The following ERC2 variants were observed in gnomAD, a reference collection of about 807,000 sequenced individuals.
ERC2 encodes the protein ERC protein 2.
Under a neutral mutation model 114.8 loss-of-function variants are expected in ERC2, and 42 were observed. The observed-to-expected ratio is 0.37, with a 90% CI of 0.29 to 0.47. ERC2 has a LOEUF of 0.47. Ranked by LOEUF, ERC2 falls within the 20% of genes least tolerant of loss-of-function variation. The pLI is 0.99. For synonymous variants in ERC2, 454 were observed against 425.5 expected (o/e 1.07, Z -0.82); for missense variants, 939 against 1,150.7 (o/e 0.82, Z 2.66).
chr3:56,392,469 C>A (rs985068157), intron 2 of ERC2, among the ~76,000 whole-genome samples: 1 of 152,106 alleles, frequency 6.6e-6, no homozygotes, highest in Non-Finnish European at 1.5e-5. Context: ...TCAAATATAT[C>A]TGTTTCTATA....
At chr3:55,924,254 G>A (rs1276527681) in intron 13 of ERC2, among the ~76,000 whole-genome samples, 2 of 152,070 alleles carry the variant, frequency 1.3e-5, no homozygotes, top group Admixed American at 1.3e-4. Context: ...TTTCTGCCAA[G>A]GGCCAGACAG....
At chr3:56,253,300 C>G (rs375974911) in intron 3 of ERC2, among the ~76,000 whole-genome samples, 1 of 152,224 alleles carries the variant, frequency 6.6e-6, no homozygotes, top group Non-Finnish European at 1.5e-5. Context: ...GATATTCTAT[C>G]ACTGCCAGAT....
intron 3 of ERC2, among the ~76,000 whole-genome samples, chr3:56,189,606 A>G (rs2083859535): frequency 6.6e-6 from 1 of 152,230 alleles, no homozygotes; most frequent in Non-Finnish European, 1.5e-5. Flanking sequence ...TTCTGTATCA[A>G]GGGGCTCACA....
chr3:55,817,436 G>C (rs2059944499), intron 14 of ERC2, among the ~76,000 whole-genome samples: 1 of 152,204 alleles, frequency 6.6e-6, no homozygotes, highest in South Asian at 2.1e-4. Flanking sequence ...ACTCCTGAGA[G>C]TTCACCCAAG....
chr3:55,583,441 T>TCCTTCCTTCCTTCCTC (rs1559692610), intron 17 of ERC2, among the ~76,000 whole-genome samples: 4 of 81,522 alleles, frequency 4.9e-5, no homozygotes, highest in Non-Finnish European at 7.8e-5. Flanking sequence ...CTTCCTTCCT[T>TCCTTCCTTCCTTCCTC]CCTCCCTCCC....
At chr3:56,275,810 G>A (rs2053951680) in intron 3 of ERC2, among the ~76,000 whole-genome samples, 1 of 152,180 alleles carries the variant, frequency 6.6e-6, no homozygotes, top group Non-Finnish European at 1.5e-5. Context: ...GGCAATGTCT[G>A]CAGACATTTT....
At chr3:55,950,249 A>G (rs913206554) in intron 13 of ERC2, among the ~76,000 whole-genome samples, 176 bp downstream of exon 13, 2 of 152,140 alleles carry the variant, frequency 1.3e-5, no homozygotes, top group African/African-American at 4.8e-5. Flanking sequence ...CATGGCCACC[A>G]TTCTGAAAAT....
At chr3:56,434,155 G>T (rs916351259) in intron 2 of ERC2, 196 bp downstream of exon 2, 1 of 585,500 alleles carries the variant, frequency 1.7e-6, no homozygotes, top group Non-Finnish European at 3.0e-6. Flanking sequence ...AAGGTTATCG[G>T]AAAATAAGGA....
intron 14 of ERC2, among the ~76,000 whole-genome samples, chr3:55,880,697 G>T (rs992905373): frequency 6.6e-6 from 1 of 151,616 alleles, no homozygotes; most frequent in East Asian, 1.9e-4. Flanking sequence ...GGACATTCTA[G>T]GACACATTAC....
At chr3:55,553,155 T>C (rs1414766331) in intron 17 of ERC2, among the ~76,000 whole-genome samples, 4 of 150,806 alleles carry the variant, frequency 2.7e-5, no homozygotes, top group Non-Finnish European at 5.9e-5. Flanking sequence ...CTGAGTAGCT[T>C]GGACTACAGG....
intron 1 of ERC2, among the ~76,000 whole-genome samples, chr3:56,439,743 T>A (rs1351705234): frequency 6.6e-6 from 1 of 152,136 alleles, no homozygotes; most frequent in Admixed American, 6.5e-5. Context: ...TCTACTTCCT[T>A]TATGGTTTTT....
chr3:56,202,448 C>G (rs2048459668), intron 3 of ERC2, among the ~76,000 whole-genome samples: 1 of 150,296 alleles, frequency 6.7e-6, no homozygotes, highest in African/African-American at 2.4e-5. Flanking sequence ...CAATCTACAG[C>G]AAAAGAGAGT....
intron 7 of ERC2, among the ~76,000 whole-genome samples, chr3:56,026,792 G>A (rs914258134): frequency 2.0e-5 from 3 of 152,128 alleles, no homozygotes; most frequent in African/African-American, 7.2e-5. Flanking sequence ...CATATATCAT[G>A]AGTTTTTATA....
At chr3:56,125,678 T>C (rs572851259) in intron 6 of ERC2, among the ~76,000 whole-genome samples, 38 of 152,306 alleles carry the variant, frequency 2.5e-4, no homozygotes, top group African/African-American at 9.1e-4. Flanking sequence ...TACCCTCTCA[T>C]AAAAACAAAG....
intron 17 of ERC2, among the ~76,000 whole-genome samples, chr3:55,663,707 C>T (rs1025467480): frequency 6.6e-6 from 1 of 152,144 alleles, no homozygotes; most frequent in Non-Finnish European, 1.5e-5. Context: ...TTGTTTTTAG[C>T]TCTTTAAAAA....
chr3:56,328,256 C>T (rs1022830613), intron 2 of ERC2, among the ~76,000 whole-genome samples: 1 of 152,158 alleles, frequency 6.6e-6, no homozygotes, highest in African/African-American at 2.4e-5. Flanking sequence ...AGAAGGCTTC[C>T]AAGACCTCAT....
intron 2 of ERC2, among the ~76,000 whole-genome samples, chr3:56,369,056 T>C (rs1292732454): frequency 3.9e-5 from 6 of 152,128 alleles, no homozygotes; most frequent in East Asian, 1.9e-4. Context: ...TGACCTCACA[T>C]AGGGGACAGC....
intron 14 of ERC2, among the ~76,000 whole-genome samples, chr3:55,744,594 G>A (rs58006701): frequency 0.22 from 32,908 of 152,034 alleles, 4,072 homozygotes; most frequent in Admixed American, 0.31. Flanking sequence ...GCGGGCCACC[G>A]CTTCATTTAC....
chr3:56,192,455 G>A (rs560278649), intron 3 of ERC2, among the ~76,000 whole-genome samples: 28 of 152,202 alleles, frequency 1.8e-4, no homozygotes, highest in Non-Finnish European at 3.5e-4. Flanking sequence ...ACTCGATAGT[G>A]TTCCAGAAGA....
Sources: gnomAD v4.1 joint callset for allele counts (sites outside exome capture counted in the v4.1 genomes callset) on GRCh38, gnomAD v4.1.1 for gene constraint, MANE v1.5 for transcripts, NCBI Gene and HGNC (gene_info 2026-07-23, HGNC 2026-07-21) for gene names.